Variants in BNC2 observed in about 807,000 individuals in gnomAD.
BNC2 encodes the protein basonuclin zinc finger protein 2, also known as zinc finger protein basonuclin-2.
BNC2 carries 20 observed loss-of-function variants against 76.3 expected under a neutral mutation model. That is an observed-to-expected ratio of 0.26 (90% CI 0.18 to 0.38). The LOEUF is 0.38. Among genes scored for constraint, BNC2 ranks in the 10% least tolerant of loss-of-function variants. The probability of loss-of-function intolerance (pLI) is 1.00; values close to 1 mark genes in which losing one functional copy is unlikely to be tolerated. For missense variants in BNC2, 1,382 were observed against 1,399.8 expected (o/e 0.99, Z 0.20); for synonymous variants, 582 against 514.8 (o/e 1.13, Z -1.77).
chr9:16,665,221 T>A, intron 3 of BNC2: 1 of 377,312 alleles, frequency 2.7e-6, no homozygotes, highest in Non-Finnish European at 5.1e-6. Flanking sequence ...ATAGAAAAAA[T>A]TAGCCAGGCA....
intron 5 of BNC2, among the ~76,000 whole-genome samples, chr9:16,452,541 C>T (rs958102729): frequency 2.0e-5 from 3 of 152,096 alleles, no homozygotes; most frequent in Non-Finnish European, 4.4e-5. Flanking sequence ...TCCCAAGTAG[C>T]TGGGATTATA....
chr9:16,590,212 G>C (rs1273757601), intron 3 of BNC2, among the ~76,000 whole-genome samples: 1 of 152,024 alleles, frequency 6.6e-6, no homozygotes, highest in African/African-American at 2.4e-5. Flanking sequence ...TTCTTTTTGA[G>C]ACAGAGTTTT....
At chr9:16,848,635 CA>C (rs1819049759) in intron 1 of BNC2, among the ~76,000 whole-genome samples, 5 of 152,114 alleles carry the variant, frequency 3.3e-5, no homozygotes, top group Admixed American at 3.3e-4. Context: ...CTTCATAAAA[CA>C]ATGTAGGAAA....
At chr9:16,487,511 A>T (rs112223971) in intron 5 of BNC2, among the ~76,000 whole-genome samples, 22 of 152,346 alleles carry the variant, frequency 1.4e-4, no homozygotes, top group African/African-American at 5.1e-4. Context: ...TTCACTGAAA[A>T]GAGAACATTA....
intron 5 of BNC2, among the ~76,000 whole-genome samples, chr9:16,500,048 C>A (rs1210656182): frequency 2.0e-5 from 3 of 152,024 alleles, no homozygotes; most frequent in Admixed American, 1.3e-4. Context: ...AGATTCTTAG[C>A]CTAGTGGCCT....
chr9:16,454,461 C>T (rs1458884990), intron 5 of BNC2, among the ~76,000 whole-genome samples: 2 of 152,106 alleles, frequency 1.3e-5, no homozygotes, highest in East Asian at 3.9e-4. Context: ...CCACCACACC[C>T]AGCTAATTTT....
chr9:16,604,819 A>C (rs528463295), intron 3 of BNC2, among the ~76,000 whole-genome samples: 62 of 86,806 alleles, frequency 7.1e-4, no homozygotes, highest in African/African-American at 1.8e-3. Context: ...AAAGAAAAGA[A>C]AAGAAAAGGT....
intron 1 of BNC2, among the ~76,000 whole-genome samples, chr9:16,847,884 A>G (rs1427937349): frequency 6.6e-6 from 1 of 152,220 alleles, no homozygotes; most frequent in Non-Finnish European, 1.5e-5. Context: ...TGAAGCATGA[A>G]TTCAGGAAAC....
intron 1 of BNC2, among the ~76,000 whole-genome samples, chr9:16,842,813 G>A (rs1330893107): frequency 6.6e-6 from 1 of 151,908 alleles, no homozygotes; most frequent in East Asian, 1.9e-4. Context: ...TTGCTGCAGT[G>A]CCATCTCGGC....
intron 1 of BNC2, among the ~76,000 whole-genome samples, chr9:16,839,835 T>C (rs1213372573): frequency 6.6e-6 from 1 of 152,014 alleles, no homozygotes; most frequent in Admixed American, 6.6e-5. Flanking sequence ...AGTCAACCAA[T>C]GCGGTGTGGT....
In BNC2 at chr9:16,628,796, C is replaced by T. The variant is rs147067460; in HGVS notation, c.331-45711G>A. Among the ~76,000 whole-genome samples, 333 of 152,268 alleles carry T rather than the reference C, an allele frequency of 2.2e-3. 2 individuals carry two copies. Among genetic ancestry groups the T allele is most frequent in the African/African-American group, 7.5e-3 (313 of 41,560 alleles). On this transcript the variant is annotated intron_variant, in intron 3 of 6. Coordinates refer to ENST00000380672, the MANE Select transcript of BNC2 (RefSeq NM_017637.6). The stretch of plus-strand genomic sequence containing the variant: ...GATATTTTTACACAAATGCACTTTT[C>T]CTTTCTGTGAAACAACATTCAACTG...
chr9:16,733,679 T>C (rs1409809060), intron 2 of BNC2, among the ~76,000 whole-genome samples: 2 of 152,116 alleles, frequency 1.3e-5, no homozygotes, highest in African/African-American at 4.8e-5. Flanking sequence ...AGTTCTGATA[T>C]GAAGCCATCT....
intron 1 of BNC2, among the ~76,000 whole-genome samples, chr9:16,821,021 C>G (rs200810407): frequency 1.3e-5 from 2 of 151,718 alleles, no homozygotes; most frequent in African/African-American, 2.4e-5. Context: ...TCACTTGAGG[C>G]CAGGAATTCG....
At chr9:16,485,795 T>A (rs1822152437) in intron 5 of BNC2, among the ~76,000 whole-genome samples, 1 of 151,928 alleles carries the variant, frequency 6.6e-6, no homozygotes, top group South Asian at 2.1e-4. Flanking sequence ...GGCAACAGAG[T>A]GAGACCCTGT....
chr9:16,424,106 A>G (rs1820759362), intron 6 of BNC2, among the ~76,000 whole-genome samples: 4 of 152,180 alleles, frequency 2.6e-5, no homozygotes, highest in African/African-American at 9.6e-5. Context: ...AATGCCCTTT[A>G]GAGAGAAAGC....
intron 5 of BNC2, among the ~76,000 whole-genome samples, chr9:16,546,046 T>C (rs1452922773): frequency 6.6e-6 from 1 of 152,210 alleles, no homozygotes; most frequent in Non-Finnish European, 1.5e-5. Flanking sequence ...ACGCCTAAAA[T>C]GCATTCCCTA....
chr9:16,665,410 G>A lies in BNC2; in HGVS notation c.330+62387C>T, dbSNP rs186165675. Among the ~76,000 whole-genome samples, 13 of 95,248 alleles carry A rather than the reference G, an allele frequency of 1.4e-4. No individual in the cohort carries two copies. The East Asian group carries it at 3.6e-3, about 27-fold the overall frequency. 62.5% of individuals were successfully genotyped at this position (95,248 alleles called of 152,430 possible). On this transcript the variant is annotated intron_variant, in intron 3 of 6. Coordinates refer to ENST00000380672, the MANE Select transcript of BNC2 (RefSeq NM_017637.6). ...AAAGAGAGAGAGAGAGAGAAAGAGAGAAAAGAAAGGAAAGAAAGGAAAGAA... is the reference window on the plus strand; with the variant it reads ...AAAGAGAGAGAGAGAGAGAAAGAGAAAAAAGAAAGGAAAGAAAGGAAAGAA...
Position 16,540,633 on chromosome 9 carries a change from T to C in BNC2, c.669+11897A>G, listed in dbSNP as rs78231012. 2.2e-3 allele frequency among the ~76,000 whole-genome samples: 328 copies of C among 152,308 alleles called. 1 individual carries two copies. Among genetic ancestry groups the C allele is most frequent in the African/African-American group, 7.4e-3 (309 of 41,582 alleles). ...AAAGGGAGTTAATGGCCTTGCTTAA[T>C]TAAAATGTAAAACTTCAGCATCTTA... On this transcript the variant is annotated intron_variant, in intron 5 of 6. Transcript: ENST00000380672.
intron 3 of BNC2, among the ~76,000 whole-genome samples, chr9:16,679,006 TG>T (rs1194306062): frequency 1.3e-5 from 2 of 152,248 alleles, no homozygotes; most frequent in African/African-American, 2.4e-5. Flanking sequence ...GGGCCCAAAG[TG>T]TCAGAGGCTC....
Sources: gnomAD v4.1 joint callset for allele counts (sites outside exome capture counted in the v4.1 genomes callset) on GRCh38, gnomAD v4.1.1 for gene constraint, MANE v1.5 for transcripts, NCBI Gene and HGNC (gene_info 2026-07-23, HGNC 2026-07-21) for gene names.